Variants in STARD13 observed in about 807,000 individuals in gnomAD.
The protein encoded by STARD13 is StAR related lipid transfer domain containing 13.
A neutral mutation model predicts 106.4 loss-of-function variants in STARD13; 62 were observed. The observed-to-expected ratio is 0.58, with a 90% CI of 0.48 to 0.72. STARD13 has a LOEUF of 0.72. Ranked by LOEUF, STARD13 falls within the 30% of genes least tolerant of loss-of-function variation. STARD13 has a pLI of 0.00. For synonymous variants in STARD13, 565 were observed against 553.0 expected (o/e 1.02, Z -0.31); for missense variants, 1,387 against 1,424.0 (o/e 0.97, Z 0.42).
At chr13:33,492,991 A>G in the STARD13 span, among the ~76,000 whole-genome samples, 1 of 152,148 alleles carries the variant, frequency 6.6e-6, no homozygotes. Flanking sequence ...TGACTATTCA[A>G]CTGCTTCAAA....
the STARD13 span, among the ~76,000 whole-genome samples, chr13:33,463,277 C>T: frequency 6.6e-6 from 1 of 152,166 alleles, no homozygotes; most frequent in Non-Finnish European, 1.5e-5. Context: ...ACAGTGTGCC[C>T]AGAGGAACAG....
intron 1 of STARD13, among the ~76,000 whole-genome samples, chr13:33,254,466 G>A (rs1303020812): frequency 6.6e-6 from 1 of 152,160 alleles, no homozygotes; most frequent in Non-Finnish European, 1.5e-5. Flanking sequence ...AAAGTATTCT[G>A]TTGATATGGG....
chr13:33,266,532 T>C (rs1890904720), intron 1 of STARD13, among the ~76,000 whole-genome samples: 1 of 152,212 alleles, frequency 6.6e-6, no homozygotes. Context: ...GTATTTCCTA[T>C]AACCTCCACA....
At chr13:33,110,120 A>T in intron 11 of STARD13, 30 bp from the exon 12 acceptor site, 1 of 1,607,388 alleles carries the variant, frequency 6.2e-7, no homozygotes, top group Non-Finnish European at 8.5e-7. Context: ...GAAGCTGAAG[A>T]GGTTGTCTGG....
Position 33,179,421 on chromosome 13 carries a change from C to G in STARD13, c.170-11799G>C, listed in dbSNP as rs1445099539. Among the ~76,000 whole-genome samples the G allele has an allele frequency of 3.3e-5, 5 of 152,152 alleles. No homozygotes were observed. In the East Asian group the frequency reaches 9.7e-4, roughly 29 times the overall value. On this transcript the variant is annotated intron_variant, in intron 1 of 13. Transcript: ENST00000336934. Reference sequence around the variant, plus strand: ...AAATGATTGCATTTCTGTAAAGTACCTGGAGCACAGCATTTGCTACTATTA... The same window carrying G: ...AAATGATTGCATTTCTGTAAAGTACGTGGAGCACAGCATTTGCTACTATTA...
At chr13:33,564,206 C>CAAAAAAAA in the STARD13 span, among the ~76,000 whole-genome samples, 3 of 53,850 alleles carry the variant, frequency 5.6e-5, no homozygotes, top group African/African-American at 1.3e-4. Flanking sequence ...GACTGTATCT[C>CAAAAAAAA]AAAAAAAAAA....
At chr13:33,359,240 T>C in the STARD13 span, among the ~76,000 whole-genome samples, 1 of 152,048 alleles carries the variant, frequency 6.6e-6, no homozygotes, top group African/African-American at 2.4e-5. Flanking sequence ...ACTGCAAAGA[T>C]CTGCAGCTTC....
chr13:33,426,713 C>T, the STARD13 span, among the ~76,000 whole-genome samples: 1 of 152,110 alleles, frequency 6.6e-6, no homozygotes, highest in East Asian at 1.9e-4. Flanking sequence ...GCTATCTGTC[C>T]ATTTCCTTTC....
the STARD13 span, among the ~76,000 whole-genome samples, chr13:33,571,687 G>A: frequency 2.6e-5 from 4 of 152,162 alleles, no homozygotes; most frequent in Non-Finnish European, 4.4e-5. Flanking sequence ...ATCCTGTCCC[G>A]CTTTCTAAGA....
the STARD13 span, among the ~76,000 whole-genome samples, chr13:33,373,252 C>T: frequency 6.8e-4 from 103 of 152,140 alleles, no homozygotes; most frequent in Admixed American, 1.8e-3. Context: ...CCAAACAGAG[C>T]TCAAGCCTGA....
the STARD13 span, among the ~76,000 whole-genome samples, chr13:33,364,846 G>A: frequency 2.0e-5 from 3 of 152,114 alleles, no homozygotes; most frequent in South Asian, 2.1e-4. Flanking sequence ...CCGAGATGGC[G>A]CCACTGCACT....
the STARD13 span, among the ~76,000 whole-genome samples, chr13:33,622,639 A>G: frequency 7.1e-6 from 1 of 141,096 alleles, no homozygotes; most frequent in South Asian, 2.2e-4. Context: ...AAAAAAAAAA[A>G]GGCTGGGCGT....
At chr13:33,574,349 G>C in the STARD13 span, among the ~76,000 whole-genome samples, 1 of 152,126 alleles carries the variant, frequency 6.6e-6, no homozygotes, top group Non-Finnish European at 1.5e-5. Flanking sequence ...GGAGGATTTT[G>C]GAGATTTAGA....
chr13:33,385,112 G>A, the STARD13 span, among the ~76,000 whole-genome samples: 1 of 140,102 alleles, frequency 7.1e-6, no homozygotes, highest in East Asian at 2.1e-4. Context: ...TTTTAGTTTG[G>A]AAGAAAGGTT....
chr13:33,549,837 T>C, the STARD13 span, among the ~76,000 whole-genome samples: 2 of 152,200 alleles, frequency 1.3e-5, no homozygotes, highest in Non-Finnish European at 2.9e-5. Context: ...ACCACTTTGT[T>C]CATCACCATC....
At chr13:33,132,692 A>G (rs1178721334) in intron 4 of STARD13, among the ~76,000 whole-genome samples, 1 of 152,210 alleles carries the variant, frequency 6.6e-6, no homozygotes. Context: ...CTCTTAAAAA[A>G]AGGAAACAAA....
intron 1 of STARD13, among the ~76,000 whole-genome samples, chr13:33,318,414 G>A (rs1244484769): frequency 6.6e-6 from 1 of 152,098 alleles, no homozygotes; most frequent in African/African-American, 2.4e-5. Context: ...CTACCTTATA[G>A]CATATACACA....
upstream of STARD13, among the ~76,000 whole-genome samples, chr13:33,289,520 C>A (rs867471695): frequency 9.2e-5 from 14 of 152,156 alleles, no homozygotes; most frequent in African/African-American, 3.4e-4. Flanking sequence ...AGCCTTTGTG[C>A]ATCTCCAAGC....
chr13:33,107,606 A>G (rs1873948752), intron 12 of STARD13, among the ~76,000 whole-genome samples: 1 of 152,130 alleles, frequency 6.6e-6, no homozygotes, highest in African/African-American at 2.4e-5. Context: ...AGAAATGAAT[A>G]TGGTTGATTT....
Sources: allele counts gnomAD v4.1 joint callset (sites outside exome capture counted in the v4.1 genomes callset), GRCh38; gene constraint gnomAD v4.1.1; transcripts MANE v1.5; gene names NCBI Gene and HGNC (gene_info 2026-07-23, HGNC 2026-07-21).